The following CACNA1C variants were observed in gnomAD, a reference collection of about 807,000 sequenced individuals.
CACNA1C encodes voltage-dependent L-type calcium channel subunit alpha-1C.
A neutral mutation model predicts 229.0 loss-of-function variants in CACNA1C; 30 were observed. The ratio of observed to expected loss-of-function variants is 0.13; its 90% CI spans 0.10 to 0.18. The LOEUF (loss-of-function observed/expected upper bound fraction) is 0.18. CACNA1C is among the 10% of genes least tolerant of loss of function. The pLI, the probability that CACNA1C is intolerant of heterozygous loss-of-function variation, is 1.00. For missense variants in CACNA1C, 1,658 were observed against 2,845.0 expected (o/e 0.58, Z 9.49); for synonymous variants, 1,114 against 1,132.5 (o/e 0.98, Z 0.33).
intron 3 of CACNA1C, among the ~76,000 whole-genome samples, chr12:2,274,255 C>T (rs2086635182): frequency 6.6e-6 from 1 of 152,198 alleles, no homozygotes; most frequent in African/African-American, 2.4e-5. Flanking sequence ...TATGAGCACT[C>T]CCGAGTCGTT....
chr12:2,649,617 A>T lies in CACNA1C; in HGVS notation c.3945+1110A>T, dbSNP rs1423832470. ...AGCAGCATTAGGAAACTGCAGCCAC[A>T]GGGGAGGGCTCTGAACAGTGGAATG... is the stretch of plus-strand genomic sequence containing the variant. On this transcript the variant is annotated intron_variant, in intron 31 of 46. Transcript: ENST00000399655. This position sits in a 1 kb window ranked among gnomAD's most constrained non-coding sequence, Gnocchi z 4.4. Among the ~76,000 whole-genome samples the T allele has an allele frequency of 6.6e-6, 1 of 152,088 alleles. No homozygotes were observed. The highest frequency in any genetic ancestry group is 2.4e-5 in the African/African-American group (1 of 41,424).
chr12:2,507,892 T>A (rs1305953797), intron 8 of CACNA1C, among the ~76,000 whole-genome samples: 2 of 152,220 alleles, frequency 1.3e-5, no homozygotes, highest in Non-Finnish European at 2.9e-5. Context: ...ATCCCATGCT[T>A]TTAAATGACA....
intron 3 of CACNA1C, among the ~76,000 whole-genome samples, chr12:2,447,397 C>T (rs567138769): frequency 2.3e-4 from 35 of 152,246 alleles, no homozygotes; most frequent in Non-Finnish European, 4.7e-4. Context: ...TCCCACGCCG[C>T]GGCGTGATCT....
At chr12:2,583,321 A>T (rs1041753757) in intron 15 of CACNA1C, among the ~76,000 whole-genome samples, 1 of 152,170 alleles carries the variant, frequency 6.6e-6, no homozygotes, top group Admixed American at 6.5e-5. Context: ...GGGAGGGAGG[A>T]TGAGCCGTTG....
rs116468591 is a variant in CACNA1C, at chr12:2,180,662, C to T, written c.477+60232C>T. ...AGAACATTTTTGCTGATAGGGAGGCCGTAAAGTGAGGGGCTGGTTTTGGAG... is the reference window on the plus strand; with the variant it reads ...AGAACATTTTTGCTGATAGGGAGGCTGTAAAGTGAGGGGCTGGTTTTGGAG... On this transcript the variant is annotated intron_variant, in intron 3 of 46. Coordinates refer to ENST00000399655, the MANE Select transcript of CACNA1C (RefSeq NM_000719.7). 4.2e-3 allele frequency among the ~76,000 whole-genome samples: 636 copies of T among 152,192 alleles called. 2 individuals carry two copies. The highest frequency in any genetic ancestry group is 0.014 in the African/African-American group (600 of 41,510).
At position 2,053,689 on chromosome 12, in the gene CACNA1C, GC is replaced by G; in HGVS notation, c.49+82del. On this transcript the variant is annotated intron_variant, in intron 1 of 46. Coordinates refer to ENST00000399655, the MANE Select transcript of CACNA1C (RefSeq NM_000719.7). This position sits in a 1 kb window ranked among gnomAD's most constrained non-coding sequence, Gnocchi z 5.8. ...TCCTGCCCTACCCGCGCTCCCCGCG[GC>G]CCCGGGGCCGGTCCCTGCGGAGTGG... 3 of 1,328,314 alleles carry G rather than the reference GC, an allele frequency of 2.3e-6. No individual in the cohort carries two copies. The highest frequency in any genetic ancestry group is 2.0e-6 in the Non-Finnish European group (2 of 1,016,372). The allele number at this position is 1,328,314 out of a possible 1,614,324, so 82.3% of individuals were successfully genotyped here.
At chr12:2,226,741 C>A (rs1021289622) in intron 3 of CACNA1C, among the ~76,000 whole-genome samples, 1 of 152,210 alleles carries the variant, frequency 6.6e-6, no homozygotes, top group African/African-American at 2.4e-5. Flanking sequence ...CTACAAAATA[C>A]ACCGAGTTTG....
Position 2,004,546 on chromosome 12 carries a change from G to A in CACNA1C, c.139+33345G>A, listed in dbSNP as rs995406369. On this transcript the variant is annotated intron_variant, in intron 1 of 46. Coordinates refer to the CACNA1C transcript ENST00000682462. The stretch of plus-strand genomic sequence containing the variant: ...CCACGGCGACCACACGGCCCGGGAG[G>A]CCTTCCGGCTCCAGTCACCCCCACC... The A allele has an allele frequency of 2.8e-5, 40 of 1,444,976 alleles. 2 individuals are homozygous for A. The South Asian group carries it at 4.6e-4, about 16-fold the overall frequency. The allele number at this position is 1,444,976 out of a possible 1,614,324, so 89.5% of individuals were successfully genotyped here.
At chr12:2,583,449 G>A (rs1432737601) in intron 15 of CACNA1C, among the ~76,000 whole-genome samples, 1 of 152,214 alleles carries the variant, frequency 6.6e-6, no homozygotes, top group Admixed American at 6.5e-5. Flanking sequence ...AGCCCCAAAA[G>A]CTCCTTCCTG....
intron 3 of CACNA1C, among the ~76,000 whole-genome samples, chr12:2,418,196 G>T (rs61907848): frequency 6.6e-6 from 1 of 152,110 alleles, no homozygotes; most frequent in Non-Finnish European, 1.5e-5. Flanking sequence ...GCTTCTCCTG[G>T]GCTGCGGGTG....
intron 1 of CACNA1C, among the ~76,000 whole-genome samples, chr12:2,021,330 C>G (rs1405801143): frequency 6.6e-6 from 1 of 152,126 alleles, no homozygotes; most frequent in Non-Finnish European, 1.5e-5. Context: ...AGATAGAGCA[C>G]TATAGTCAAT....
chr12:2,005,146 GAA>G (rs71441670), intron 1 of CACNA1C, among the ~76,000 whole-genome samples: 9 of 131,090 alleles, frequency 6.9e-5, no homozygotes, highest in South Asian at 2.4e-4. Flanking sequence ...AGTTACAAAA[GAA>G]AAAAAAAAAA....
intron 3 of CACNA1C, among the ~76,000 whole-genome samples, chr12:2,311,730 C>T (rs373965062): frequency 6.6e-6 from 1 of 152,176 alleles, no homozygotes; most frequent in Non-Finnish European, 1.5e-5. Flanking sequence ...AGAGAAAAAC[C>T]GTGGCATCTC....
Position 2,585,165 on chromosome 12 carries a change from A to C in CACNA1C, c.2340-211A>C, listed in dbSNP as rs915030541. 1.3e-5 allele frequency among the ~76,000 whole-genome samples: 2 copies of C among 152,154 alleles called. No homozygotes were observed. Among genetic ancestry groups the C allele is most frequent in the Non-Finnish European group, 2.9e-5 (2 of 68,014 alleles). On this transcript the variant is annotated intron_variant, in intron 16 of 46. Transcript: ENST00000399655. This position sits in a 1 kb window ranked among gnomAD's most constrained non-coding sequence, Gnocchi z 4.1. ...GCATCTCTGGAGCTGCAAGAGGCCAATTGCGTGTCAGGCAGAGCAGGTGTA... is the reference window on the plus strand; with the variant it reads ...GCATCTCTGGAGCTGCAAGAGGCCACTTGCGTGTCAGGCAGAGCAGGTGTA...
intron 3 of CACNA1C, among the ~76,000 whole-genome samples, chr12:2,193,777 T>C (rs1201349453): frequency 6.6e-6 from 1 of 152,224 alleles, no homozygotes. Flanking sequence ...AAGATTATGA[T>C]TGGAAGGAAG....
intron 1 of CACNA1C, chr12:1,991,167 G>C (rs772603171): frequency 6.8e-5 from 31 of 456,196 alleles, no homozygotes; most frequent in South Asian, 4.8e-4. Context: ...CAGGTGGTGT[G>C]GAAAAAGCAA....
intron 1 of CACNA1C, among the ~76,000 whole-genome samples, chr12:2,084,755 T>G (rs2154062854): frequency 6.6e-6 from 1 of 152,320 alleles, no homozygotes; most frequent in African/African-American, 2.4e-5. Flanking sequence ...TACTGTTGAC[T>G]CATATTGAGT....
At chr12:2,241,215 C>T (rs754382950) in intron 3 of CACNA1C, among the ~76,000 whole-genome samples, 3 of 152,060 alleles carry the variant, frequency 2.0e-5, no homozygotes, top group Non-Finnish European at 2.9e-5. Context: ...TATGTCCCCG[C>T]GCTGGCCTGG....
intron 8 of CACNA1C, among the ~76,000 whole-genome samples, chr12:2,509,058 C>G (rs2099777843): frequency 6.6e-6 from 1 of 152,198 alleles, no homozygotes; most frequent in African/African-American, 2.4e-5. Context: ...TTGGGAAGTG[C>G]GCCTCCAGTT....
Sources: gnomAD v4.1 joint callset for allele counts (sites outside exome capture counted in the v4.1 genomes callset) on GRCh38, gnomAD v4.1.1 for gene constraint, Gnocchi (gnomAD v3.1) non-coding constraint, MANE v1.5 for transcripts, NCBI Gene and HGNC (gene_info 2026-07-23, HGNC 2026-07-21) for gene names.